The following MAMDC2 variants were observed in gnomAD, a reference collection of about 807,000 sequenced individuals.
The protein encoded by MAMDC2 is MAM domain containing 2, also known as MAM domain-containing protein 2.
In MAMDC2, 57 loss-of-function variants were observed where a neutral mutation model predicts 89.8. That is an observed-to-expected ratio of 0.63 (90% CI 0.51 to 0.79). MAMDC2 has a LOEUF of 0.79. MAMDC2 is among the 30% of genes least tolerant of loss of function. The pLI is 0.00. For synonymous variants in MAMDC2, 313 were observed against 293.4 expected (o/e 1.07, Z -0.68); for missense variants, 800 against 820.6 (o/e 0.97, Z 0.31).
chr9:70,203,087 A>T (rs1176505813), intron 11 of MAMDC2, among the ~76,000 whole-genome samples: 2 of 151,856 alleles, frequency 1.3e-5, no homozygotes, highest in Non-Finnish European at 2.9e-5. Context: ...TGTGAATTTG[A>T]TCCTGTCATT....
At chr9:70,107,794 T>C (rs896183350) in intron 2 of MAMDC2, among the ~76,000 whole-genome samples, 1 of 152,180 alleles carries the variant, frequency 6.6e-6, no homozygotes, top group African/African-American at 2.4e-5. Flanking sequence ...ACTTCAGTCA[T>C]GCCGCTCTTC....
chr9:70,083,161 A>G (rs1361519882), intron 2 of MAMDC2, among the ~76,000 whole-genome samples: 1 of 152,168 alleles, frequency 6.6e-6, no homozygotes, highest in East Asian at 1.9e-4. Context: ...AAAACTGTGG[A>G]AGGCAGCAGT....
At chr9:70,224,379 A>G (rs1181838297) in intron 12 of MAMDC2, among the ~76,000 whole-genome samples, 6 of 152,196 alleles carry the variant, frequency 3.9e-5, no homozygotes, top group Non-Finnish European at 8.8e-5. Flanking sequence ...CTGGAGAACC[A>G]GGAAAGCTGG....
chr9:70,078,453 G>C (rs3015171), intron 2 of MAMDC2, among the ~76,000 whole-genome samples: 1 of 152,040 alleles, frequency 6.6e-6, no homozygotes, highest in Non-Finnish European at 1.5e-5. Context: ...GCAACCTTGG[G>C]TATGAGCTCC....
chr9:70,107,486 G>T (rs2118249514), intron 2 of MAMDC2, among the ~76,000 whole-genome samples: 1 of 152,230 alleles, frequency 6.6e-6, no homozygotes, highest in East Asian at 1.9e-4. Context: ...AAGGACAATT[G>T]CTAGTCCCAG....
At chr9:70,139,247 A>G (rs2118398950) in intron 7 of MAMDC2, among the ~76,000 whole-genome samples, 1 of 140,580 alleles carries the variant, frequency 7.1e-6, no homozygotes, top group Non-Finnish European at 1.5e-5. Context: ...CATTAGGTAT[A>G]TCTCCTAATG....
At chr9:70,118,638 G>A (rs1018328274) in intron 5 of MAMDC2, among the ~76,000 whole-genome samples, 9 of 152,100 alleles carry the variant, frequency 5.9e-5, no homozygotes, top group African/African-American at 9.7e-5. Flanking sequence ...ATGTCTGCCC[G>A]CAACAGCAGA....
intron 11 of MAMDC2, among the ~76,000 whole-genome samples, chr9:70,177,375 C>T (rs141394041): frequency 5.9e-5 from 9 of 152,210 alleles, no homozygotes; most frequent in African/African-American, 9.6e-5. Context: ...CTGCTTGGGA[C>T]AGAGTGGAAC....
intron 9 of MAMDC2, among the ~76,000 whole-genome samples, chr9:70,146,096 G>A (rs7853298): frequency 0.86 from 130,368 of 152,210 alleles, 56,099 homozygotes; most frequent in East Asian, 0.98. Context: ...TTTATCCTCT[G>A]TTAACAACAT....
chr9:70,112,144 T>C (rs1436200012), intron 4 of MAMDC2, among the ~76,000 whole-genome samples: 1 of 152,152 alleles, frequency 6.6e-6, no homozygotes, highest in Non-Finnish European at 1.5e-5. Flanking sequence ...AAGAGCAACG[T>C]GGATCCGCAG....
intron 2 of MAMDC2, among the ~76,000 whole-genome samples, chr9:70,100,149 A>G (rs1008818963): frequency 6.6e-6 from 1 of 152,180 alleles, no homozygotes; most frequent in Non-Finnish European, 1.5e-5. Flanking sequence ...TAGGAGCACT[A>G]ACATTTATTA....
chr9:70,115,964 G>T (rs188482915), intron 5 of MAMDC2, among the ~76,000 whole-genome samples: 4 of 152,180 alleles, frequency 2.6e-5, no homozygotes, highest in Non-Finnish European at 4.4e-5. Context: ...CTAGTTTTGC[G>T]ATTGTTTTTC....
At position 70,124,085 on chromosome 9, in the gene MAMDC2, G is replaced by C. The variant is rs530904152; in HGVS notation, c.644-2074G>C. Reference sequence around the variant, plus strand: ...AGGATGGGGAAAGCCTGCAGCATGGGGCTGGGTGCCGGGCATCCGCTGCAG... The same window carrying C: ...AGGATGGGGAAAGCCTGCAGCATGGCGCTGGGTGCCGGGCATCCGCTGCAG... On this transcript the variant is annotated intron_variant, in intron 5 of 13. Transcript: ENST00000377182. 1.2e-3 allele frequency among the ~76,000 whole-genome samples: 182 copies of C among 152,294 alleles called. 3 individuals carry two copies. Among genetic ancestry groups the C allele is most frequent in the Non-Finnish European group, 1.9e-4 (13 of 68,024 alleles).
At chr9:70,114,206 G>A (rs1043391659) in intron 5 of MAMDC2, among the ~76,000 whole-genome samples, 1 of 148,838 alleles carries the variant, frequency 6.7e-6, no homozygotes, top group African/African-American at 2.5e-5. Flanking sequence ...CAGAGTCTCA[G>A]GTTCAATTCC....
rs1275213710 is a variant in MAMDC2 at position 70,140,259 on chromosome 9, A to G, written c.1109A>G (p.Tyr370Cys). ...CGAGTGAAAGTAAAACCAAACATGT[A>G]TCGGGCTGGAGACCACACTACAGGC... ...WTRVKVKPNM[Y>C]RAGDHTTGLG... Residue 370 changes from tyrosine (Y) to cysteine (C), a missense_variant, in exon 8 of 14, where the codon TAT (tyrosine) becomes TGT (cysteine). Transcript: ENST00000377182. 3 of 1,601,922 alleles carry G rather than the reference A, an allele frequency of 1.9e-6. No individual in the cohort carries two copies. The highest frequency in any genetic ancestry group is 2.3e-5 in the East Asian group (1 of 44,028).
intron 11 of MAMDC2, among the ~76,000 whole-genome samples, chr9:70,192,620 T>C (rs2032903404): frequency 6.6e-6 from 1 of 152,150 alleles, no homozygotes; most frequent in African/African-American, 2.4e-5. Flanking sequence ...TTTCTACTTC[T>C]TTCCCTTTAT....
At chr9:70,093,334 G>A (rs1029192292) in intron 2 of MAMDC2, among the ~76,000 whole-genome samples, 2 of 151,950 alleles carry the variant, frequency 1.3e-5, no homozygotes, top group Non-Finnish European at 2.9e-5. Context: ...TTCATACCAG[G>A]TACACCTGGG....
At chr9:70,185,910 T>C (rs1191211049) in intron 11 of MAMDC2, among the ~76,000 whole-genome samples, 6 of 152,222 alleles carry the variant, frequency 3.9e-5, no homozygotes, top group Admixed American at 1.3e-4. Flanking sequence ...GCTGGGGTTC[T>C]AGGCACCACT....
intron 11 of MAMDC2, among the ~76,000 whole-genome samples, chr9:70,180,020 C>G (rs1019995286): frequency 5.3e-5 from 8 of 151,718 alleles, no homozygotes; most frequent in Non-Finnish European, 8.8e-5. Context: ...TTTGTCCCCC[C>G]ACCCCCCAAC....
Sources: allele counts gnomAD v4.1 joint callset (sites outside exome capture counted in the v4.1 genomes callset), GRCh38; gene constraint gnomAD v4.1.1; transcripts MANE v1.5; gene names NCBI Gene and HGNC (gene_info 2026-07-23, HGNC 2026-07-21).